NSD1: variants seen among roughly 807,000 people sequenced by gnomAD.
NSD1 encodes histone-lysine N-methyltransferase, H3 lysine-36 specific.
In NSD1, 26 loss-of-function variants were observed where a neutral mutation model predicts 242.7. The observed-to-expected ratio is 0.11, with a 90% CI of 0.08 to 0.15. The LOEUF (loss-of-function observed/expected upper bound fraction) is 0.15, where lower values mean the gene tolerates loss of function less well. Ranked by LOEUF, NSD1 falls within the 10% of genes least tolerant of loss-of-function variation. The probability of loss-of-function intolerance (pLI) is 1.00; values close to 1 mark genes in which losing one functional copy is unlikely to be tolerated. For synonymous variants in NSD1, 1,106 were observed against 1,178.1 expected (o/e 0.94, Z 1.25); for missense variants, 2,495 against 3,272.8 (o/e 0.76, Z 5.80).
intron 5 of NSD1, among the ~76,000 whole-genome samples, chr5:177,229,393 G>A (rs1421995212): frequency 6.6e-6 from 1 of 152,204 alleles, no homozygotes; most frequent in Non-Finnish European, 1.5e-5. Flanking sequence ...CTTAGGGGTA[G>A]TGTGATTTGG....
At chr5:177,230,627 A>G (rs1419385038) in intron 5 of NSD1, among the ~76,000 whole-genome samples, 3 of 152,044 alleles carry the variant, frequency 2.0e-5, no homozygotes, top group African/African-American at 4.8e-5. Flanking sequence ...GGAGTTTGAG[A>G]CCAGCTGGGC....
At chr5:177,162,494 C>G (rs1758841555) in intron 2 of NSD1, among the ~76,000 whole-genome samples, 1 of 152,070 alleles carries the variant, frequency 6.6e-6, no homozygotes, top group South Asian at 2.1e-4. Context: ...ATCCCAGATT[C>G]AAGCGATCCT....
chr5:177,183,703 T>G (rs1308983330), intron 2 of NSD1, among the ~76,000 whole-genome samples: 1 of 152,192 alleles, frequency 6.6e-6, no homozygotes, highest in Non-Finnish European at 1.5e-5. Context: ...ATTCTAGTTC[T>G]TATTCATTAT....
At chr5:177,228,589 A>G (rs1478915951) in intron 5 of NSD1, among the ~76,000 whole-genome samples, 1 of 151,462 alleles carries the variant, frequency 6.6e-6, no homozygotes, top group East Asian at 1.9e-4. Context: ...GTTTCTTTAA[A>G]CTTTTTTCTC....
intron 14 of NSD1, chr5:177,265,472 C>T (rs1256364765): frequency 1.9e-5 from 12 of 628,654 alleles, no homozygotes; most frequent in Non-Finnish European, 3.4e-5. Flanking sequence ...CCTAAAACCT[C>T]CTCTGGGGGA....
At chr5:177,250,941 C>T (rs566368530) in intron 11 of NSD1, among the ~76,000 whole-genome samples, 43 of 152,240 alleles carry the variant, frequency 2.8e-4, no homozygotes, top group African/African-American at 1.0e-3. Flanking sequence ...CCTGTAATCC[C>T]AGCACTTTGG....
At chr5:177,249,420 G>A (rs1180738656) in intron 11 of NSD1, among the ~76,000 whole-genome samples, 2 of 151,522 alleles carry the variant, frequency 1.3e-5, no homozygotes, top group Non-Finnish European at 2.9e-5. Context: ...AAAAACTTGA[G>A]GATGTTAGTT....
At chr5:177,177,049 TATTA>T (rs1412891838) in intron 2 of NSD1, among the ~76,000 whole-genome samples, 11 of 152,354 alleles carry the variant, frequency 7.2e-5, no homozygotes, top group East Asian at 5.8e-4. Flanking sequence ...CTCATTAATT[TATTA>T]ATTATGTGCT....
intron 2 of NSD1, among the ~76,000 whole-genome samples, chr5:177,160,341 C>G (rs560147340): frequency 1.3e-5 from 2 of 152,030 alleles, no homozygotes; most frequent in African/African-American, 4.8e-5. Flanking sequence ...GAGTTTCACT[C>G]TGTCGCACAG....
chr5:177,148,241 G>T (rs564079463), intron 2 of NSD1, among the ~76,000 whole-genome samples: 2 of 146,700 alleles, frequency 1.4e-5, no homozygotes, highest in East Asian at 2.1e-4. Flanking sequence ...TCTCAGCCTC[G>T]CATGTAGCTG....
chr5:177,152,319 G>GTGTGTGTA (rs1757782083), intron 2 of NSD1, among the ~76,000 whole-genome samples: 2 of 128,128 alleles, frequency 1.6e-5, no homozygotes, highest in Non-Finnish European at 3.5e-5. Context: ...TTGTGTGTGT[G>GTGTGTGTA]TGTATGTATG....
In NSD1 at chr5:177,298,411, A is replaced by T. The variant is rs1048303357; in HGVS notation, c.*2952A>T. 2 of 233,122 alleles carry T rather than the reference A, an allele frequency of 8.6e-6. No homozygotes were observed. The highest frequency in any genetic ancestry group is 4.4e-5 in the African/African-American group (2 of 45,350). The allele number at this position is 233,122 out of a possible 1,614,324, so 14.4% of individuals were successfully genotyped here. A position where few individuals can be genotyped will look rare whatever the true frequency, so the allele number is the denominator to read the frequency against. On this transcript the variant is annotated 3_prime_UTR_variant, in exon 23 of 23. Coordinates refer to ENST00000439151, the MANE Select transcript of NSD1 (RefSeq NM_022455.5). Reference sequence around the variant, plus strand: ...GAAAGCCAATACATCTAGCCCTGCTAAGTCAGAAAAAGATTATGAAAAATG... The same window carrying T: ...GAAAGCCAATACATCTAGCCCTGCTTAGTCAGAAAAAGATTATGAAAAATG...
intron 2 of NSD1, among the ~76,000 whole-genome samples, chr5:177,188,795 C>T (rs574869349): frequency 1.3e-5 from 2 of 151,904 alleles, no homozygotes; most frequent in Non-Finnish European, 2.9e-5. Context: ...CGGCTCCTAG[C>T]ATAATTTTTT....
chr5:177,192,903 C>T lies in NSD1; in HGVS notation c.1063+884C>T, dbSNP rs147084746. Among the ~76,000 whole-genome samples the T allele has an allele frequency of 3.0e-4, 45 of 152,208 alleles. No homozygotes were observed. The South Asian group carries it at 3.5e-3, about 12-fold the overall frequency. On this transcript the variant is annotated intron_variant, in intron 3 of 22. Coordinates refer to ENST00000439151, the MANE Select transcript of NSD1 (RefSeq NM_022455.5). ...CCATTTTTCTAATGTTTACATTGTC[C>T]GGAATCACCTTTTAGTATATTTACG... is the stretch of plus-strand genomic sequence containing the variant.
chr5:177,244,739 CA>C (rs1039939694), intron 9 of NSD1, among the ~76,000 whole-genome samples: 2 of 152,164 alleles, frequency 1.3e-5, no homozygotes, highest in Non-Finnish European at 2.9e-5. Flanking sequence ...GAGCACACTG[CA>C]ACAGATGTGG....
intron 3 of NSD1, among the ~76,000 whole-genome samples, chr5:177,195,474 C>T (rs964911851): frequency 1.3e-5 from 2 of 151,978 alleles, no homozygotes; most frequent in Non-Finnish European, 2.9e-5. Flanking sequence ...TCTCTCTCCT[C>T]GTCTCTCTTT....
At chr5:177,240,384 T>A (rs1042582989) in intron 8 of NSD1, among the ~76,000 whole-genome samples, 1 of 152,068 alleles carries the variant, frequency 6.6e-6, no homozygotes, top group Non-Finnish European at 1.5e-5. Flanking sequence ...TTTTTTTTTA[T>A]GTGATAAATA....
rs1413091656 is a variant in NSD1 at position 177,295,567 on chromosome 5, A to C, written c.*108A>C. 1 of 1,114,556 alleles carries C rather than the reference A, an allele frequency of 9.0e-7. No homozygotes were observed. The highest frequency in any genetic ancestry group is 1.3e-6 in the Non-Finnish European group (1 of 751,878). 69.0% of individuals were successfully genotyped at this position (1,114,556 alleles called of 1,614,324 possible). On this transcript the variant is annotated 3_prime_UTR_variant, in exon 23 of 23. Transcript: ENST00000439151. The surrounding 1 kb of genome is among the most constrained non-coding windows in gnomAD (Gnocchi z 4.3). ...AAAAAAAAACACATCTGCCCCGAAC[A>C]CTTTCCCACTGTTATTCTTTCCTCA...
intron 2 of NSD1, among the ~76,000 whole-genome samples, chr5:177,139,464 G>A (rs1419299852): frequency 6.7e-6 from 1 of 150,046 alleles, no homozygotes; most frequent in African/African-American, 2.4e-5. Flanking sequence ...AAAAAAAAGC[G>A]GTCAATCTTA....
Sources: gnomAD v4.1 joint callset for allele counts (sites outside exome capture counted in the v4.1 genomes callset) on GRCh38, gnomAD v4.1.1 for gene constraint, Gnocchi (gnomAD v3.1) non-coding constraint, MANE v1.5 for transcripts, NCBI Gene and HGNC (gene_info 2026-07-23, HGNC 2026-07-21) for gene names.